Variants in NAB1 observed in about 807,000 individuals in gnomAD.
The protein encoded by NAB1 is NGFI-A-binding protein 1.
Under a neutral mutation model 49.9 loss-of-function variants are expected in NAB1, and 25 were observed. The observed-to-expected ratio is 0.50, with a 90% CI of 0.37 to 0.70. The LOEUF is 0.70. NAB1 is among the 30% of genes least tolerant of loss of function. The probability of loss-of-function intolerance (pLI) is 0.00; values close to 1 mark genes in which losing one functional copy is unlikely to be tolerated. For synonymous variants in NAB1, 198 were observed against 215.6 expected, an observed-to-expected ratio of 0.92 and a Z score of 0.71; for missense variants, 489 against 575.9, an observed-to-expected ratio of 0.85 and a Z score of 1.54.
At chr2:190,673,063 T>G in intron 5 of NAB1, 38 bp from the exon 6 acceptor site, 3 of 1,572,104 alleles carry the variant, frequency 1.9e-6, no homozygotes, top group Non-Finnish European at 2.6e-6. Context: ...AGTTACTTTC[T>G]CAAGTTTTTT....
rs190812769 is a variant in NAB1 at position 190,670,917 on chromosome 2, A to G, written c.953+458A>G. Among the ~76,000 whole-genome samples the G allele has an allele frequency of 2.6e-5, 4 of 152,368 alleles. No homozygotes were observed. The highest frequency in any genetic ancestry group is 2.0e-4 in the Admixed American group (3 of 15,308). On this transcript the variant is annotated intron_variant, in intron 5 of 9. Transcript: ENST00000337386. This position sits in a 1 kb window ranked among gnomAD's most constrained non-coding sequence, Gnocchi z 5.3. ...TTGACTAGTATCTAAGGGAAAATTGAAAGATACTTCTATTACTAGCACATG... is the reference window on the plus strand; with the variant it reads ...TTGACTAGTATCTAAGGGAAAATTGGAAGATACTTCTATTACTAGCACATG...
At chr2:190,658,763 G>A (rs1313523102) in intron 3 of NAB1, among the ~76,000 whole-genome samples, 1 of 152,208 alleles carries the variant, frequency 6.6e-6, no homozygotes, top group Non-Finnish European at 1.5e-5. Flanking sequence ...CTGGCACAAA[G>A]TAAGTATTCA....
At chr2:190,673,836 C>G (rs10931468) in intron 6 of NAB1, among the ~76,000 whole-genome samples, 1 of 151,976 alleles carries the variant, frequency 6.6e-6, no homozygotes, top group African/African-American at 2.4e-5. Flanking sequence ...TAGGACTCTC[C>G]GAACTATAGA....
At chr2:190,672,957 T>G in intron 5 of NAB1, 144 bp from the exon 6 acceptor site, 1 of 698,458 alleles carries the variant, frequency 1.4e-6, no homozygotes, top group Non-Finnish European at 2.4e-6. Flanking sequence ...TTCATTATTT[T>G]AATGATCATT....
At position 190,682,609 on chromosome 2, in the gene NAB1, T is replaced by C. The variant is rs1375689895; in HGVS notation, c.1006-1129T>C. On this transcript the variant is annotated intron_variant, in intron 6 of 9. Coordinates refer to ENST00000337386, the MANE Select transcript of NAB1 (RefSeq NM_005966.4). The surrounding 1 kb of genome is among the most constrained non-coding windows in gnomAD (Gnocchi z 4.1). ...AAATTTAAAAAACAAATCAAACTTT[T>C]AGAAAAATTAGAGGGTAGATTTAAG... 1.3e-5 allele frequency among the ~76,000 whole-genome samples: 2 copies of C among 152,340 alleles called. No individual in the cohort carries two copies. Among genetic ancestry groups the C allele is most frequent in the East Asian group, 3.9e-4 (2 of 5,194 alleles).
intron 9 of NAB1, among the ~76,000 whole-genome samples, 172 bp downstream of exon 9, chr2:190,687,489 A>G (rs536831408): frequency 2.0e-5 from 3 of 152,176 alleles, no homozygotes; most frequent in African/African-American, 7.2e-5. Context: ...TCAGGATCCA[A>G]AATGTTTTGA....
rs1419324558 is a variant in NAB1, at chr2:190,691,585, C to G, written c.*1252C>G. 3.3e-5 allele frequency: 5 copies of G among 152,124 alleles called. No homozygotes were observed. Among genetic ancestry groups the G allele is most frequent in the African/African-American group, 4.8e-5 (2 of 41,442 alleles). 9.4% of individuals were successfully genotyped at this position (152,124 alleles called of 1,614,324 possible). A position where few individuals can be genotyped will look rare whatever the true frequency, so the allele number is the denominator to read the frequency against. The stretch of plus-strand genomic sequence containing the variant: ...TGCTTACATGTTAATAATTTACTTG[C>G]ATACTTATGAGAATTTCACATTGGA... On this transcript the variant is annotated 3_prime_UTR_variant, in exon 10 of 10. Coordinates refer to ENST00000337386, the MANE Select transcript of NAB1 (RefSeq NM_005966.4). The surrounding 1 kb of genome is among the most constrained non-coding windows in gnomAD (Gnocchi z 4.1).
rs753676139 is a variant in NAB1, at chr2:190,685,532, T to C, written c.1152T>C (p.Tyr384=). ...AGTTCCTTTGCAACCAAGCTGGCTATGAGAGACTGCAGCATGCCGAGAGGA... is the reference window on the plus strand; with the variant it reads ...AGTTCCTTTGCAACCAAGCTGGCTACGAGAGACTGCAGCATGCCGAGAGGA... ...QMEFLCNQAG[Y]ERLQHAERRL... Residue 384 remains tyrosine, a synonymous_variant, in exon 8 of 10, where the codon TAT becomes TAC. Coordinates refer to ENST00000337386, the MANE Select transcript of NAB1 (RefSeq NM_005966.4). The surrounding 1 kb of genome is among the most constrained non-coding windows in gnomAD (Gnocchi z 4.5). The C allele has an allele frequency of 3.1e-6, 5 of 1,614,024 alleles. No homozygotes were observed. The South Asian group carries it at 4.4e-5, about 14-fold the overall frequency.
At position 190,659,032 on chromosome 2, in the gene NAB1, C is replaced by T. The variant is rs1389998573; in HGVS notation, c.-19-126C>T. On this transcript the variant is annotated intron_variant, in intron 3 of 9. Transcript: ENST00000337386. The surrounding 1 kb of genome is among the most constrained non-coding windows in gnomAD (Gnocchi z 6.2). The stretch of plus-strand genomic sequence containing the variant: ...ATAAAGTATGTAGAGAGAATGCTGC[C>T]TTCACAGGCAGTCACGATGCAGATG... The T allele has an allele frequency of 3.3e-5, 21 of 636,672 alleles. No homozygotes were observed. The highest frequency in any genetic ancestry group is 1.5e-4 in the Admixed American group (5 of 33,474). 39.4% of individuals were successfully genotyped at this position (636,672 alleles called of 1,614,324 possible). A position where few individuals can be genotyped will look rare whatever the true frequency, so the allele number is the denominator to read the frequency against.
In NAB1 at chr2:190,659,398, C is replaced by G. The variant is rs761352453; in HGVS notation, c.222C>G (p.Asp74Glu). 1 of 1,614,180 alleles carries G rather than the reference C, an allele frequency of 6.2e-7. No homozygotes were observed. Among genetic ancestry groups the G allele is most frequent in the East Asian group, 2.2e-5 (1 of 44,880 alleles). The change falls in exon 4 of 10, where the codon GAC becomes GAG. Residue 74 changes from aspartate to glutamate, a missense_variant. Around this residue, in one of 4 missense-constraint regions of NAB1, gnomAD observed 204 missense variants for 220.9 expected, o/e 0.92. Transcript: ENST00000337386. This position sits in a 1 kb window ranked among gnomAD's most constrained non-coding sequence, Gnocchi z 6.2. ...HVRRLQKALRDWVTNPGLFNQ... is the reference protein window; with the variant it reads ...HVRRLQKALREWVTNPGLFNQ... ...GAAGGCTGCAGAAGGCTTTGAGAGACTGGGTCACAAACCCTGGGCTTTTCA... is the reference window on the plus strand; with the variant it reads ...GAAGGCTGCAGAAGGCTTTGAGAGAGTGGGTCACAAACCCTGGGCTTTTCA...
Position 190,673,101 on chromosome 2 carries a change from G to A in NAB1, c.954G>A (p.Lys318=). 1.9e-6 allele frequency: 3 copies of A among 1,605,610 alleles called. No homozygotes were observed. The highest frequency in any genetic ancestry group is 2.5e-6 in the Non-Finnish European group (3 of 1,177,032). The stretch of plus-strand genomic sequence containing the variant: ...TTTTTTTCTCTCCCCTTTCCCTTAG[G>A]TCAAAATGTGGAGAAAGAGATGAAT... The part of the protein sequence containing the change: ...VTYKYTYRTT[K]SKCGERDELS... The change falls in exon 6 of 10, where the codon AAG becomes AAA. Residue 318 remains lysine, a splice_region_variant and synonymous_variant. Transcript: ENST00000337386.
rs932999307 is a variant in NAB1, at chr2:190,651,530, G to A, written c.-197+1548G>A. 3.3e-5 allele frequency among the ~76,000 whole-genome samples: 5 copies of A among 152,266 alleles called. No homozygotes were observed. The highest frequency in any genetic ancestry group is 1.2e-4 in the African/African-American group (5 of 41,560). The stretch of plus-strand genomic sequence containing the variant: ...TAAATATTTAAAGTTCAGGTTGGAT[G>A]AAAACAGAAGTATGTCAGTTTCTAA... On this transcript the variant is annotated intron_variant, in intron 2 of 9. Transcript: ENST00000337386. This position sits in a 1 kb window ranked among gnomAD's most constrained non-coding sequence, Gnocchi z 4.3.
At position 190,680,619 on chromosome 2, in the gene NAB1, T is replaced by G. The variant is rs1304121374; in HGVS notation, c.1006-3119T>G. On this transcript the variant is annotated intron_variant, in intron 6 of 9. Transcript: ENST00000337386. The surrounding 1 kb of genome is among the most constrained non-coding windows in gnomAD (Gnocchi z 5.2). ...AGCTGGGTGGATGCGACATTTTTGT[T>G]GAATGTATAAACACATGTTTCTAGA... 6.6e-6 allele frequency among the ~76,000 whole-genome samples: 1 copy of G among 152,228 alleles called. No individual in the cohort carries two copies. The highest frequency in any genetic ancestry group is 1.9e-4 in the East Asian group (1 of 5,200).
chr2:190,683,197 G>A (rs770457197), intron 6 of NAB1, among the ~76,000 whole-genome samples: 48 of 151,228 alleles, frequency 3.2e-4, no homozygotes, highest in Non-Finnish European at 4.1e-4. Flanking sequence ...TGCAACCTCC[G>A]CCTCCTGGGT....
intron 4 of NAB1, among the ~76,000 whole-genome samples, chr2:190,665,748 T>C (rs1488960887): frequency 6.6e-6 from 1 of 152,136 alleles, no homozygotes; most frequent in Non-Finnish European, 1.5e-5. Flanking sequence ...TGATTGGGGG[T>C]TATGAAATCT....
rs759088065 is a variant in NAB1, at chr2:190,692,269, A to G, written c.*1936A>G. On this transcript the variant is annotated 3_prime_UTR_variant, in exon 10 of 10. Coordinates refer to ENST00000337386, the MANE Select transcript of NAB1 (RefSeq NM_005966.4). The surrounding 1 kb of genome is among the most constrained non-coding windows in gnomAD (Gnocchi z 5.2). ...TTGTGTCTTACAGTCAAGTTTGTAGATTTTCATAAGCCACAATTTTAAAAG... is the reference window on the plus strand; with the variant it reads ...TTGTGTCTTACAGTCAAGTTTGTAGGTTTTCATAAGCCACAATTTTAAAAG... The G allele has an allele frequency of 4.6e-5, 7 of 152,474 alleles. No individual in the cohort carries two copies. The highest frequency in any genetic ancestry group is 7.2e-5 in the African/African-American group (3 of 41,402). 9.4% of individuals were successfully genotyped at this position (152,474 alleles called of 1,614,324 possible).
Position 190,670,354 on chromosome 2 carries a change from T to G in NAB1, c.848T>G (p.Leu283Arg). The change falls in exon 5 of 10, where the codon CTC (leucine) becomes CGC (arginine). Residue 283 changes from leucine (L) to arginine (R), a missense_variant. Leu to Arg is a moderately radical substitution (Grantham distance 102). Around this residue, in one of 4 missense-constraint regions of NAB1, gnomAD observed 38 missense variants for 70.1 expected, o/e 0.54. Transcript: ENST00000337386. The surrounding 1 kb of genome is among the most constrained non-coding windows in gnomAD (Gnocchi z 5.3). ...ELTVNEAAAQ[L>R]CVKDNALLTR... ...ACTGTTAATGAAGCGGCTGCTCAAC[T>G]CTGTGTGAAGGATAATGCCCTGCTG... 6.2e-7 allele frequency: 1 copy of G among 1,613,866 alleles called. No individual in the cohort carries two copies. The highest frequency in any genetic ancestry group is 8.5e-7 in the Non-Finnish European group (1 of 1,179,906).
intron 6 of NAB1, among the ~76,000 whole-genome samples, chr2:190,683,466 C>A (rs897581132): frequency 6.6e-6 from 1 of 151,668 alleles, no homozygotes; most frequent in East Asian, 1.9e-4. Context: ...GTTATATAAC[C>A]GTTATTATCA....
At chr2:190,688,786 TCTTTCCTTC>T (rs1695754486) in intron 9 of NAB1, among the ~76,000 whole-genome samples, 1 of 151,898 alleles carries the variant, frequency 6.6e-6, no homozygotes, top group Non-Finnish European at 1.5e-5. Flanking sequence ...TCCTTTCCTT[TCTTTCCTTC>T]CTTTCTTTCC....
Sources: gnomAD v4.1 joint callset for allele counts (sites outside exome capture counted in the v4.1 genomes callset) on GRCh38, gnomAD v4.1.1 for gene constraint, gnomAD v4.1.1 regional missense constraint, Gnocchi (gnomAD v3.1) non-coding constraint, MANE v1.5 for transcripts, NCBI Gene and HGNC (gene_info 2026-07-23, HGNC 2026-07-21) for gene names.